UNC13B: variants seen among roughly 807,000 people sequenced by gnomAD.
The protein encoded by UNC13B is protein unc-13 homolog B.
UNC13B carries 144 observed loss-of-function variants against 211.0 expected under a neutral mutation model. The ratio of observed to expected loss-of-function variants is 0.68; its 90% CI spans 0.60 to 0.78. The LOEUF is 0.78. Ranked by LOEUF, UNC13B falls within the 30% of genes least tolerant of loss-of-function variation. The pLI, the probability that UNC13B is intolerant of heterozygous loss-of-function variation, is 0.00. For synonymous variants in UNC13B, 709 were observed against 725.8 expected (o/e 0.98, Z 0.37); for missense variants, 1,777 against 2,002.0 (o/e 0.89, Z 2.14).
At chr9:35,258,769 C>G (rs1827086968) in intron 6 of UNC13B, among the ~76,000 whole-genome samples, 1 of 152,206 alleles carries the variant, frequency 6.6e-6, no homozygotes, top group Non-Finnish European at 1.5e-5. Flanking sequence ...CTTCATTATC[C>G]TGCTTTATTT....
At chr9:35,279,463 T>G (rs1828364016) in intron 7 of UNC13B, among the ~76,000 whole-genome samples, 2 of 152,200 alleles carry the variant, frequency 1.3e-5, no homozygotes, top group African/African-American at 2.4e-5. Context: ...ATGTTTTTTT[T>G]TAAACCACTT....
In UNC13B at chr9:35,162,060, T is replaced by G. The variant is rs1323126739; in HGVS notation, c.-224T>G. 2 of 600,700 alleles carry G rather than the reference T, an allele frequency of 3.3e-6. No individual in the cohort carries two copies. The highest frequency in any genetic ancestry group is 2.8e-6 in the Non-Finnish European group (1 of 355,020). 37.2% of individuals were successfully genotyped at this position (600,700 alleles called of 1,614,324 possible). A position where few individuals can be genotyped will look rare whatever the true frequency, so the allele number is the denominator to read the frequency against. ...GATGGCGTCGCTGTGCCGCGCCCAG[T>G]CCCCAGCCTGCCGGCCGGTACTCAC... On this transcript the variant is annotated 5_prime_UTR_variant, in exon 1 of 40. Coordinates refer to ENST00000635942, the MANE Select transcript of UNC13B (RefSeq NM_001371189.2).
At chr9:35,393,675 G>A (rs936128626) in intron 26 of UNC13B, among the ~76,000 whole-genome samples, 8 of 150,252 alleles carry the variant, frequency 5.3e-5, no homozygotes, top group Non-Finnish European at 1.2e-4. Flanking sequence ...GGATTCAAGC[G>A]ATTCTCATGC....
intron 11 of UNC13B, chr9:35,352,450 A>G: frequency 8.1e-7 from 1 of 1,232,160 alleles, no homozygotes; most frequent in Non-Finnish European, 1.0e-6. Flanking sequence ...CAAGCTGCCC[A>G]CAGGGTAATA....
intron 11 of UNC13B, chr9:35,351,330 G>A: frequency 8.2e-7 from 1 of 1,221,986 alleles, no homozygotes; most frequent in Non-Finnish European, 1.0e-6. Flanking sequence ...AGGGGCATGT[G>A]CGAGGTTTGG....
chr9:35,398,868 G>A lies in UNC13B; in HGVS notation c.11922-14G>A, dbSNP rs368577960. 1.6e-5 allele frequency: 25 copies of A among 1,610,070 alleles called. No homozygotes were observed. Among genetic ancestry groups the A allele is most frequent in the Non-Finnish European group, 2.0e-5 (24 of 1,177,258 alleles). On this transcript the variant is annotated splice_polypyrimidine_tract_variant and intron_variant, in intron 32 of 39. Transcript: ENST00000635942. ...TTTGGGGAGGGAAAGGCTACACTGC[G>A]GGCACATGTGTAGTTTCCAGGTACG...
intron 11 of UNC13B, chr9:35,342,015 G>A (rs1832027389): frequency 1.0e-6 from 1 of 985,402 alleles, no homozygotes. Flanking sequence ...GACCAGGTTA[G>A]ATTTCTACGT....
Position 35,396,330 on chromosome 9 carries a change from G to C in UNC13B, c.11309-146G>C, listed in dbSNP as rs542311229. The C allele has an allele frequency of 4.1e-6, 4 of 969,086 alleles. No homozygotes were observed. In the Admixed American group the frequency reaches 9.7e-5, roughly 24 times the overall value. 60.0% of individuals were successfully genotyped at this position (969,086 alleles called of 1,614,324 possible). ...TTGCTGAGCAGAACACTGTTGGGGA[G>C]AGATGGCTGTGAGAAGGAGGTTGGG... On this transcript the variant is annotated intron_variant, in intron 26 of 39. Coordinates refer to ENST00000635942, the MANE Select transcript of UNC13B (RefSeq NM_001371189.2).
intron 11 of UNC13B, among the ~76,000 whole-genome samples, chr9:35,330,865 A>C (rs1349776401): frequency 6.6e-6 from 1 of 152,154 alleles, no homozygotes; most frequent in African/African-American, 2.4e-5. Flanking sequence ...TCCAAGGAGC[A>C]CATAGAACAT....
In UNC13B at chr9:35,307,880, A is replaced by G. The variant is rs1428188314; in HGVS notation, c.8476A>G (p.Ser2826Gly). The G allele has an allele frequency of 1.5e-5, 6 of 398,816 alleles. No individual in the cohort carries two copies. Among genetic ancestry groups the G allele is most frequent in the Non-Finnish European group, 2.7e-5 (6 of 226,078 alleles). 24.7% of individuals were successfully genotyped at this position (398,816 alleles called of 1,614,324 possible). Residue 2826 changes from serine to glycine, a missense_variant, in exon 9 of 40, where the codon AGT becomes GGT. By Grantham distance (56) the Ser-to-Gly change is moderately conservative. Coordinates refer to ENST00000635942, the MANE Select transcript of UNC13B (RefSeq NM_001371189.2). ...TGAGGGAAGTAGTGAGGGGAAAGGG[A>G]GTGTATTAGCAAGTGATTCAAAACT... ...LFEGSSEGKG[S>G]VLASDSKLGF... is the part of the protein sequence containing the mutation.
chr9:35,271,142 A>C (rs1158984477), intron 7 of UNC13B, among the ~76,000 whole-genome samples: 1 of 151,008 alleles, frequency 6.6e-6, no homozygotes, highest in Non-Finnish European at 1.5e-5. Flanking sequence ...CCATTTCAAA[A>C]AAAAAAAAAA....
chr9:35,375,024 G>A (rs1834305067), intron 13 of UNC13B, 103 bp from the exon 14 acceptor site: 2 of 1,108,312 alleles, frequency 1.8e-6, no homozygotes, highest in Non-Finnish European at 2.8e-6. Flanking sequence ...AGAAAGTACT[G>A]TAGTAAGCTA....
rs1437876215 is a variant in UNC13B, at chr9:35,247,017, T to C, written c.468+3653T>C. Among the ~76,000 whole-genome samples the C allele has an allele frequency of 2.0e-5, 3 of 152,266 alleles. No homozygotes were observed. In the East Asian group the frequency reaches 5.8e-4, roughly 29 times the overall value. On this transcript the variant is annotated intron_variant, in intron 6 of 39. Transcript: ENST00000635942. The stretch of plus-strand genomic sequence containing the variant: ...ATGTTCTTCCATTTGTTTATATCCT[T>C]TTTTATTTTGTTGAGCAGTGGTTTG...
intron 24 of UNC13B, among the ~76,000 whole-genome samples, chr9:35,387,970 T>C (rs1835289559): frequency 6.6e-6 from 1 of 151,788 alleles, no homozygotes; most frequent in African/African-American, 2.4e-5. Flanking sequence ...GTCAGGAAAA[T>C]CTCTCAGAAG....
Position 35,205,210 on chromosome 9 carries a change from G to A in UNC13B, c.23-22805G>A, listed in dbSNP as rs150582309. Among the ~76,000 whole-genome samples, 170 of 152,154 alleles carry A rather than the reference G, an allele frequency of 1.1e-3. 1 individual carries two copies. The highest frequency in any genetic ancestry group is 3.0e-3 in the African/African-American group (124 of 41,508). On this transcript the variant is annotated intron_variant, in intron 1 of 39. Transcript: ENST00000635942. Reference sequence around the variant, plus strand: ...TAAGCTTCCTGAGGCTTCCCCAGCCGTGCTTCCTGTATAGCCTGTGGAACT... The same window carrying A: ...TAAGCTTCCTGAGGCTTCCCCAGCCATGCTTCCTGTATAGCCTGTGGAACT...
At chr9:35,168,224 TTTA>T (rs903031211) in intron 1 of UNC13B, among the ~76,000 whole-genome samples, 1 of 152,186 alleles carries the variant, frequency 6.6e-6, no homozygotes, top group Non-Finnish European at 1.5e-5. Flanking sequence ...GACCAGTTTT[TTTA>T]TTATTAATTT....
Position 35,310,473 on chromosome 9 carries a change from C to T in UNC13B, c.9015C>T (p.Thr3005=), listed in dbSNP as rs978158196. 15 of 1,612,464 alleles carry T rather than the reference C, an allele frequency of 9.3e-6. No homozygotes were observed. Among genetic ancestry groups the T allele is most frequent in the Admixed American group, 1.7e-5 (1 of 59,978 alleles). Residue 3005 remains threonine (T), a synonymous_variant, in exon 10 of 40, where the codon ACC becomes ACT. Coordinates refer to ENST00000635942, the MANE Select transcript of UNC13B (RefSeq NM_001371189.2). ...CTTTCTGTCATTCTCACAGCCCCAC[C>T]AGCAGCAGTAGGTATGGCTCCTCCT... is the stretch of plus-strand genomic sequence containing the variant. The part of the protein sequence containing the change: ...IKEPMTNKSP[T]SSSRYGSSCN...
At chr9:35,263,969 T>A (rs1287613066) in intron 7 of UNC13B, among the ~76,000 whole-genome samples, 1 of 152,186 alleles carries the variant, frequency 6.6e-6, no homozygotes, top group Non-Finnish European at 1.5e-5. Context: ...ACACCCAGTC[T>A]AAGTGATTTC....
chr9:35,306,458 C>A lies in UNC13B; in HGVS notation c.7054C>A (p.Leu2352Ile), dbSNP rs765508347. Residue 2352 changes from leucine (L) to isoleucine (I), a missense_variant, in exon 9 of 40, where the codon CTT becomes ATT. Physicochemically the swap from Leu to Ile is conservative, Grantham distance 5 (BLOSUM62 2). Coordinates refer to ENST00000635942, the MANE Select transcript of UNC13B (RefSeq NM_001371189.2). Reference sequence around the variant, plus strand: ...AACATTCCTCACTGGCCCAGAGAACCTTGGGATAGCTCCCCATGAAGAAGA... The same window carrying A: ...AACATTCCTCACTGGCCCAGAGAACATTGGGATAGCTCCCCATGAAGAAGA... ...AETFLTGPEN[L>I]GIAPHEEEAF... is the part of the protein sequence containing the mutation. 1.3e-5 allele frequency: 5 copies of A among 399,026 alleles called. No individual in the cohort carries two copies. Among genetic ancestry groups the A allele is most frequent in the Non-Finnish European group, 2.2e-5 (5 of 226,064 alleles). The allele number at this position is 399,026 out of a possible 1,614,324, so 24.7% of individuals were successfully genotyped here. A position where few individuals can be genotyped will look rare whatever the true frequency, so the allele number is the denominator to read the frequency against.
Sources: gnomAD v4.1 joint callset for allele counts (sites outside exome capture counted in the v4.1 genomes callset) on GRCh38, gnomAD v4.1.1 for gene constraint, MANE v1.5 for transcripts, NCBI Gene and HGNC (gene_info 2026-07-23, HGNC 2026-07-21) for gene names.